Variants in NBAS observed in about 807,000 individuals in gnomAD.
The protein encoded by NBAS is NBAS subunit of NRZ tethering complex, also known as NAG/BC035112 fusion.
A neutral mutation model predicts 302.5 loss-of-function variants in NBAS; 219 were observed. The ratio of observed to expected loss-of-function variants is 0.72; its 90% CI spans 0.65 to 0.81. The LOEUF (loss-of-function observed/expected upper bound fraction) is 0.81, where lower values mean the gene tolerates loss of function less well. NBAS is among the 30% of genes least tolerant of loss of function. The pLI is 0.00. For missense variants in NBAS, 2,932 were observed against 2,841.6 expected (o/e 1.03, Z -0.72); for synonymous variants, 1,118 against 1,021.6 (o/e 1.09, Z -1.80).
At chr2:15,389,908 T>C (rs1193698946) in intron 28 of NBAS, among the ~76,000 whole-genome samples, 1 of 152,056 alleles carries the variant, frequency 6.6e-6, no homozygotes, top group Non-Finnish European at 1.5e-5. Context: ...CAAGAAAGGA[T>C]CAATCTAAGC....
Position 15,244,894 on chromosome 2 carries a change from T to A in NBAS, c.5725-6208A>T, listed in dbSNP as rs551510181. ...CCCCTTGTAGTTAGACAGGGTTTCA[T>A]GGCTAGGTGGGCCCATGAAACGTGA... On this transcript the variant is annotated intron_variant, in intron 44 of 51. Transcript: ENST00000281513. 2.0e-5 allele frequency among the ~76,000 whole-genome samples: 3 copies of A among 152,256 alleles called. No individual in the cohort carries two copies. In the East Asian group the frequency reaches 5.8e-4, roughly 29 times the overall value.
chr2:15,357,940 T>A (rs58996962), intron 32 of NBAS, among the ~76,000 whole-genome samples: 1 of 152,152 alleles, frequency 6.6e-6, no homozygotes, highest in African/African-American at 2.4e-5. Flanking sequence ...GCCATTCTTC[T>A]GTGCTCTCAT....
the NBAS span, among the ~76,000 whole-genome samples, chr2:15,129,915 G>A: frequency 4.1e-4 from 62 of 152,238 alleles, 1 homozygote; most frequent in Non-Finnish European, 1.3e-4. Flanking sequence ...GACATTGCTT[G>A]TTATGTGTGT....
At chr2:15,396,988 A>T (rs533306235) in intron 26 of NBAS, among the ~76,000 whole-genome samples, 2 of 152,350 alleles carry the variant, frequency 1.3e-5, no homozygotes, top group East Asian at 3.9e-4. Context: ...CATCCACTTC[A>T]ACGTTAAGGA....
chr2:15,328,458 C>T lies in NBAS; in HGVS notation c.4348-146G>A, dbSNP rs940249881. Reference sequence around the variant, plus strand: ...CTGGTAATGCCTGCTGCATTTCCCACGACCTAAAAAGAGAGCCAGAGTCAC... The same window carrying T: ...CTGGTAATGCCTGCTGCATTTCCCATGACCTAAAAAGAGAGCCAGAGTCAC... On this transcript the variant is annotated intron_variant, in intron 36 of 51. Transcript: ENST00000281513. 5.2e-5 allele frequency: 37 copies of T among 708,148 alleles called. 1 individual carries two copies. Among genetic ancestry groups the T allele is most frequent in the South Asian group, 6.5e-5 (4 of 61,414 alleles). The allele number at this position is 708,148 out of a possible 1,614,324, so 43.9% of individuals were successfully genotyped here.
intron 6 of NBAS, among the ~76,000 whole-genome samples, chr2:15,542,418 G>A (rs1261285078): frequency 4.0e-5 from 5 of 124,942 alleles, no homozygotes; most frequent in Admixed American, 1.7e-4. Flanking sequence ...TTAAACAGAT[G>A]CTTGAAGGCA....
rs748785613 is a variant in NBAS, at chr2:15,276,966, C to A, written c.5274G>T (p.Arg1758Ser). Residue 1758 changes from arginine (R) to serine (S), a missense_variant, in exon 43 of 52, where the codon AGG (arginine) becomes AGT (serine). Arg to Ser is a moderately radical substitution (Grantham distance 110, BLOSUM62 -1). Transcript: ENST00000281513. ...YPTIGGFDHE[R>S]LQYYFTLLEN... Reference sequence around the variant, plus strand: ...CCAGAAGAGTGAAATAATACTGCAGCCTTTCGTGATCAAAGCCACCAATAG... The same window carrying A: ...CCAGAAGAGTGAAATAATACTGCAGACTTTCGTGATCAAAGCCACCAATAG... 2 of 1,613,996 alleles carry A rather than the reference C, an allele frequency of 1.2e-6. No homozygotes were observed. The highest frequency in any genetic ancestry group is 1.7e-6 in the Non-Finnish European group (2 of 1,179,960).
chr2:15,511,823 T>C (rs530908778), intron 9 of NBAS, among the ~76,000 whole-genome samples: 2 of 152,160 alleles, frequency 1.3e-5, no homozygotes, highest in Admixed American at 6.5e-5. Flanking sequence ...ACAAGACTGG[T>C]TGGTAGTTTA....
At chr2:15,010,941 A>G in the NBAS span, among the ~76,000 whole-genome samples, 1 of 152,248 alleles carries the variant, frequency 6.6e-6, no homozygotes, top group Non-Finnish European at 1.5e-5. Flanking sequence ...AAAATCTAAT[A>G]AATAATGTCA....
the NBAS span, among the ~76,000 whole-genome samples, chr2:14,998,521 A>C: frequency 6.6e-6 from 1 of 152,208 alleles, no homozygotes; most frequent in Non-Finnish European, 1.5e-5. Context: ...AAAAGAGAAG[A>C]GACAAAAGGG....
In NBAS at chr2:15,358,541, T is replaced by A. The variant is rs535306639; in HGVS notation, c.3818-2125A>T. Among the ~76,000 whole-genome samples the A allele has an allele frequency of 5.3e-5, 8 of 152,138 alleles. No individual in the cohort carries two copies. In the East Asian group the frequency reaches 1.5e-3, roughly 29 times the overall value. The stretch of plus-strand genomic sequence containing the variant: ...CTCACTGCAACCTCGACCTCCCAGG[T>A]TCAAGCAATCCTCCCACATCAGCCT... On this transcript the variant is annotated intron_variant, in intron 32 of 51. Coordinates refer to ENST00000281513, the MANE Select transcript of NBAS (RefSeq NM_015909.4).
At chr2:14,995,281 A>G in the NBAS span, among the ~76,000 whole-genome samples, 1,935 of 152,098 alleles carry the variant, frequency 0.013, 53 homozygotes, top group African/African-American at 0.044. Context: ...TCATTGTTCA[A>G]TTCCCACCTA....
At chr2:15,091,394 A>G in the NBAS span, among the ~76,000 whole-genome samples, 75,202 of 152,026 alleles carry the variant, frequency 0.49, 18,817 homozygotes, top group Non-Finnish European at 0.54. Flanking sequence ...AGCCTACTCA[A>G]TGTGAAAATG....
intron 28 of NBAS, among the ~76,000 whole-genome samples, chr2:15,383,887 C>A (rs1468578845): frequency 1.3e-5 from 2 of 152,164 alleles, no homozygotes; most frequent in African/African-American, 4.8e-5. Context: ...CACAAAGCAA[C>A]TCACAGAGCA....
intron 9 of NBAS, among the ~76,000 whole-genome samples, chr2:15,533,673 G>GGTGTGT (rs1220581737): frequency 3.1e-5 from 4 of 130,678 alleles, no homozygotes; most frequent in Admixed American, 7.9e-5. Flanking sequence ...GACTTCGGGG[G>GGTGTGT]GTGTGCGTGT....
At chr2:15,347,816 GTAGT>G (rs991813896) in intron 35 of NBAS, among the ~76,000 whole-genome samples, 26 of 152,128 alleles carry the variant, frequency 1.7e-4, no homozygotes, top group African/African-American at 6.3e-4. Context: ...TGTAATTTTG[GTAGT>G]TATTCACAAA....
At chr2:14,813,212 G>T in the NBAS span, among the ~76,000 whole-genome samples, 1 of 152,160 alleles carries the variant, frequency 6.6e-6, no homozygotes, top group Non-Finnish European at 1.5e-5. Context: ...TTGGTATAAA[G>T]ATACCTGAAA....
chr2:15,516,593 T>C (rs1471708316), intron 9 of NBAS, among the ~76,000 whole-genome samples: 1 of 151,854 alleles, frequency 6.6e-6, no homozygotes, highest in African/African-American at 2.4e-5. Flanking sequence ...TGTGGTGGCG[T>C]GCACCTGTAG....
intron 28 of NBAS, among the ~76,000 whole-genome samples, chr2:15,390,426 G>T (rs955634723): frequency 6.6e-6 from 1 of 152,106 alleles, no homozygotes; most frequent in Non-Finnish European, 1.5e-5. Context: ...CACCAAAACA[G>T]TGGTTACTAT....
Sources: gnomAD v4.1 joint callset for allele counts (sites outside exome capture counted in the v4.1 genomes callset) on GRCh38, gnomAD v4.1.1 for gene constraint, MANE v1.5 for transcripts, NCBI Gene and HGNC (gene_info 2026-07-23, HGNC 2026-07-21) for gene names.